The following KCNMA1 variants were observed in gnomAD, a reference collection of about 807,000 sequenced individuals.
KCNMA1 encodes the protein potassium calcium-activated channel subfamily M alpha 1, also known as Calcium-activated potassium channel subunit alpha-1.
KCNMA1 carries 29 observed loss-of-function variants against 140.0 expected under a neutral mutation model. The ratio of observed to expected loss-of-function variants is 0.21; its 90% confidence interval spans 0.15 to 0.28. The LOEUF is 0.28. KCNMA1 is among the 10% of genes least tolerant of loss of function. The probability of loss-of-function intolerance (pLI) is 1.00; values close to 1 mark genes in which losing one functional copy is unlikely to be tolerated. For synonymous variants in KCNMA1, 612 were observed against 611.9 expected (o/e 1.00, Z 0.00); for missense variants, 880 against 1,602.2 (o/e 0.55, Z 7.70).
chr10:77,609,094 T>G (rs2048627), intron 1 of KCNMA1, among the ~76,000 whole-genome samples: 33,575 of 152,136 alleles, frequency 0.22, 3,996 homozygotes, highest in African/African-American at 0.27. Context: ...TCACTACTGG[T>G]TATATATCCA....
Position 77,086,584 on chromosome 10 carries a change from G to T in KCNMA1, c.1344C>A (p.Pro448=). 1 of 1,612,146 alleles carries T rather than the reference G, an allele frequency of 6.2e-7. No homozygotes were observed. The highest frequency in any genetic ancestry group is 1.7e-5 in the Admixed American group (1 of 60,016). Residue 448 remains proline (P), a synonymous_variant, in exon 11 of 28, where the codon CCC becomes CCA. Coordinates refer to ENST00000286628, the MANE Select transcript of KCNMA1 (RefSeq NM_001161352.2). ...TGAACAGAGCTTCAAGCTCCAGGTT[G>T]GGGGAGATGCTACACAGGGAGAGAA... ...VEIVFLHNIS[P]NLELEALFKR...
intron 9 of KCNMA1, among the ~76,000 whole-genome samples, chr10:77,103,446 G>A (rs1479228983): frequency 6.6e-6 from 1 of 152,218 alleles, no homozygotes; most frequent in Non-Finnish European, 1.5e-5. Flanking sequence ...TCCAGATACT[G>A]CTCTGTGCTG....
chr10:77,394,628 C>T (rs1254034000), intron 2 of KCNMA1, among the ~76,000 whole-genome samples: 1 of 152,220 alleles, frequency 6.6e-6, no homozygotes, highest in Non-Finnish European at 1.5e-5. Flanking sequence ...TGCTATGGAA[C>T]TTGGGGACCC....
At chr10:77,562,376 G>A (rs530191608) in intron 1 of KCNMA1, among the ~76,000 whole-genome samples, 14 of 152,276 alleles carry the variant, frequency 9.2e-5, no homozygotes, top group African/African-American at 3.1e-4. Context: ...CATCCAAAGC[G>A]GTCTGTTGCA....
intron 6 of KCNMA1, among the ~76,000 whole-genome samples, chr10:77,116,120 C>T (rs1205282473): frequency 1.3e-5 from 2 of 152,214 alleles, no homozygotes; most frequent in African/African-American, 4.8e-5. Context: ...ATGATTTGAA[C>T]CATTCAGATT....
chr10:77,146,273 A>T (rs1258443428), intron 5 of KCNMA1, among the ~76,000 whole-genome samples: 2 of 152,238 alleles, frequency 1.3e-5, no homozygotes, highest in African/African-American at 2.4e-5. Flanking sequence ...ATAAGACAGC[A>T]GCATTACCCA....
At chr10:77,012,480 A>G (rs2091036233) in intron 17 of KCNMA1, 2 of 1,550,330 alleles carry the variant, frequency 1.3e-6, no homozygotes, top group Non-Finnish European at 1.7e-6. Context: ...GTCGTTTCTC[A>G]GTCAAATAAA....
chr10:77,480,673 G>A (rs1413300666), intron 1 of KCNMA1, among the ~76,000 whole-genome samples: 11 of 152,144 alleles, frequency 7.2e-5, no homozygotes, highest in Admixed American at 7.2e-4. Flanking sequence ...CGCAGGGACT[G>A]TTACAGGCGC....
intron 2 of KCNMA1, among the ~76,000 whole-genome samples, chr10:77,268,292 C>T (rs1371886364): frequency 6.6e-6 from 1 of 152,068 alleles, no homozygotes; most frequent in African/African-American, 2.4e-5. Flanking sequence ...TGTCTAAAAC[C>T]TCCATAGTTC....
chr10:77,506,048 C>A (rs1277911473), intron 1 of KCNMA1, among the ~76,000 whole-genome samples: 9 of 152,172 alleles, frequency 5.9e-5, no homozygotes. Flanking sequence ...TTGGGAAAGA[C>A]CAACTCTTTC....
intron 5 of KCNMA1, among the ~76,000 whole-genome samples, chr10:77,123,140 A>G (rs1184699690): frequency 7.6e-6 from 1 of 131,240 alleles, no homozygotes; most frequent in Non-Finnish European, 1.6e-5. Flanking sequence ...AGATCGCGCC[A>G]CTGCACTCCA....
At chr10:77,303,252 C>T (rs2076943522) in intron 2 of KCNMA1, among the ~76,000 whole-genome samples, 2 of 152,140 alleles carry the variant, frequency 1.3e-5, no homozygotes, top group Admixed American at 1.3e-4. Flanking sequence ...TCCATCTTTC[C>T]ATGGGTACAT....
At chr10:77,559,533 C>A (rs1206416442) in intron 1 of KCNMA1, among the ~76,000 whole-genome samples, 1 of 152,232 alleles carries the variant, frequency 6.6e-6, no homozygotes, top group African/African-American at 2.4e-5. Context: ...CCTGTTGAGG[C>A]CACACCACCA....
At chr10:77,602,962 G>A (rs764633948) in intron 1 of KCNMA1, among the ~76,000 whole-genome samples, 53 of 152,280 alleles carry the variant, frequency 3.5e-4, no homozygotes, top group Admixed American at 1.2e-3. Flanking sequence ...CAAGAGAGGC[G>A]GCCCTCTTCC....
At chr10:76,974,853 C>T (rs1325877033) in intron 19 of KCNMA1, among the ~76,000 whole-genome samples, 2 of 152,178 alleles carry the variant, frequency 1.3e-5, no homozygotes, top group Non-Finnish European at 2.9e-5. Flanking sequence ...AGTTCCCCGT[C>T]ACCCCACAAC....
intron 2 of KCNMA1, among the ~76,000 whole-genome samples, chr10:77,390,159 C>T (rs143122777): frequency 3.3e-5 from 5 of 152,228 alleles, no homozygotes; most frequent in East Asian, 1.9e-4. Flanking sequence ...AAAACTACTG[C>T]GGCCCCCTCT....
intron 20 of KCNMA1, among the ~76,000 whole-genome samples, chr10:76,957,290 G>A (rs2068780761): frequency 6.6e-6 from 1 of 151,986 alleles, no homozygotes; most frequent in Non-Finnish European, 1.5e-5. Context: ...CTAAAACCAT[G>A]GCTGAAGATG....
At chr10:77,479,632 G>T (rs1436439939) in intron 1 of KCNMA1, among the ~76,000 whole-genome samples, 10 of 152,076 alleles carry the variant, frequency 6.6e-5, no homozygotes, top group Non-Finnish European at 1.3e-4. Context: ...CCCATCTGAG[G>T]GATATAGAGA....
intron 2 of KCNMA1, among the ~76,000 whole-genome samples, chr10:77,280,454 T>A (rs2068099546): frequency 6.6e-6 from 1 of 152,268 alleles, no homozygotes; most frequent in Non-Finnish European, 1.5e-5. Context: ...TTTGCCTCTG[T>A]TTCCACATTC....
Sources: allele counts gnomAD v4.1 joint callset (sites outside exome capture counted in the v4.1 genomes callset), GRCh38; gene constraint gnomAD v4.1.1; transcripts MANE v1.5; gene names NCBI Gene and HGNC (gene_info 2026-07-23, HGNC 2026-07-21).